DENND2B: variants seen among roughly 807,000 people sequenced by gnomAD.
DENND2B encodes the protein DENN domain-containing protein 2B.
In DENND2B, 32 loss-of-function variants were observed where a neutral mutation model predicts 116.0. That is an observed-to-expected ratio of 0.28 (90% CI 0.21 to 0.37). The LOEUF (loss-of-function observed/expected upper bound fraction) is 0.37, where lower values mean the gene tolerates loss of function less well. DENND2B is among the 10% of genes least tolerant of loss of function. The pLI is 1.00. For synonymous variants in DENND2B, 588 were observed against 583.9 expected, an observed-to-expected ratio of 1.01 and a Z score of -0.10; for missense variants, 1,276 against 1,477.7, an observed-to-expected ratio of 0.86 and a Z score of 2.24.
intron 4 of DENND2B, chr11:8,718,278 C>T (rs2045428498): frequency 4.0e-6 from 5 of 1,263,236 alleles, no homozygotes; most frequent in Middle Eastern, 1.8e-4. Flanking sequence ...CCAGAGATAA[C>T]ACAGTTCAAG....
chr11:8,897,401 C>T (rs1054841711), intron 1 of DENND2B, among the ~76,000 whole-genome samples: 7 of 152,142 alleles, frequency 4.6e-5, no homozygotes, highest in African/African-American at 1.7e-4. Context: ...ACTCCCTACC[C>T]CCAGCTCCAA....
chr11:8,728,723 C>A (rs886776406), intron 3 of DENND2B, among the ~76,000 whole-genome samples: 1 of 152,172 alleles, frequency 6.6e-6, no homozygotes, highest in Non-Finnish European at 1.5e-5. Flanking sequence ...TGGGTCTCTG[C>A]GGCCTCCTGC....
chr11:8,774,220 C>T (rs2057318637), intron 1 of DENND2B: 1 of 985,464 alleles, frequency 1.0e-6, no homozygotes, highest in Non-Finnish European at 1.2e-6. Flanking sequence ...ACCCTACCTC[C>T]ACCCTTCAGC....
intron 2 of DENND2B, among the ~76,000 whole-genome samples, chr11:8,749,901 G>GA: frequency 6.6e-6 from 1 of 152,332 alleles, no homozygotes; most frequent in Non-Finnish European, 1.5e-5. Flanking sequence ...AAGCCCTGGT[G>GA]AGAGTACTGT....
chr11:8,712,061 G>C lies in DENND2B; in HGVS notation c.2172+490C>G, dbSNP rs752441467. 4 of 451,104 alleles carry C rather than the reference G, an allele frequency of 8.9e-6. No individual in the cohort carries two copies. The highest frequency in any genetic ancestry group is 1.8e-5 in the Non-Finnish European group (4 of 224,180). 27.9% of individuals were successfully genotyped at this position (451,104 alleles called of 1,614,324 possible). On this transcript the variant is annotated intron_variant, in intron 9 of 19. Coordinates refer to ENST00000313726, the MANE Select transcript of DENND2B (RefSeq NM_213618.2). The surrounding 1 kb of genome is among the most constrained non-coding windows in gnomAD (Gnocchi z 4.4). ...CCTGGCAGAGGCAATGGCAGAGAGA[G>C]AGGGGTTGAGTGTGAGAGGAAGAAG...
intron 1 of DENND2B, among the ~76,000 whole-genome samples, chr11:8,805,930 C>T (rs1405976446): frequency 6.6e-6 from 1 of 152,176 alleles, no homozygotes; most frequent in East Asian, 1.9e-4. Flanking sequence ...GAGCCAAGAA[C>T]AAACAAACAG....
intron 1 of DENND2B, among the ~76,000 whole-genome samples, chr11:8,798,524 G>A (rs937376134): frequency 5.9e-5 from 9 of 152,218 alleles, no homozygotes; most frequent in Admixed American, 2.0e-4. Flanking sequence ...AGGTGTTGCA[G>A]TCTCCACCGC....
chr11:8,876,742 G>C (rs2063845200), intron 2 of DENND2B, among the ~76,000 whole-genome samples: 1 of 152,060 alleles, frequency 6.6e-6, no homozygotes, highest in Non-Finnish European at 1.5e-5. Context: ...GCCAAGCATG[G>C]TAGCGAGCAC....
chr11:8,888,142 G>A, intron 1 of DENND2B, among the ~76,000 whole-genome samples: 1 of 152,180 alleles, frequency 6.6e-6, no homozygotes, highest in East Asian at 1.9e-4. Context: ...TGACTTCCAG[G>A]AAAAGGCTTG....
At chr11:8,760,580 T>C (rs994990369) in intron 1 of DENND2B, among the ~76,000 whole-genome samples, 13 of 151,974 alleles carry the variant, frequency 8.6e-5, no homozygotes, top group African/African-American at 3.1e-4. Context: ...ATCATGACAC[T>C]GCACTCCAGC....
At chr11:8,757,308 T>C (rs1258313106) in intron 1 of DENND2B, among the ~76,000 whole-genome samples, 1 of 152,230 alleles carries the variant, frequency 6.6e-6, no homozygotes, top group Non-Finnish European at 1.5e-5. Context: ...CCTAGGTATT[T>C]GGAAGACAAC....
At chr11:8,833,565 G>A (rs936668679) in intron 4 of DENND2B, among the ~76,000 whole-genome samples, 1 of 152,082 alleles carries the variant, frequency 6.6e-6, no homozygotes. Flanking sequence ...GTTCTTCAAA[G>A]CTTTGTTCGG....
intron 3 of DENND2B, among the ~76,000 whole-genome samples, chr11:8,853,923 A>T (rs1314622305): frequency 6.7e-6 from 1 of 149,658 alleles, no homozygotes; most frequent in Non-Finnish European, 1.5e-5. Flanking sequence ...ATCACAGCTC[A>T]CTGCAGCCTT....
intron 2 of DENND2B, among the ~76,000 whole-genome samples, chr11:8,865,976 T>C (rs181102739): frequency 1.2e-4 from 18 of 152,208 alleles, no homozygotes; most frequent in Non-Finnish European, 1.8e-4. Context: ...TTCTTTTATT[T>C]TGAGACGGAG....
intron 1 of DENND2B, among the ~76,000 whole-genome samples, chr11:8,759,584 C>A (rs1593262566): frequency 6.6e-6 from 1 of 152,124 alleles, no homozygotes; most frequent in Admixed American, 6.5e-5. Flanking sequence ...CCTAAAGGGA[C>A]AGAGAAGGTG....
chr11:8,741,676 T>A (rs1260979621), intron 2 of DENND2B, among the ~76,000 whole-genome samples: 3 of 152,216 alleles, frequency 2.0e-5, no homozygotes, highest in Non-Finnish European at 4.4e-5. Flanking sequence ...GTGCTACTTT[T>A]CAGGCCCAGG....
intron 1 of DENND2B, among the ~76,000 whole-genome samples, chr11:8,765,836 G>A (rs568680871): frequency 8.7e-4 from 132 of 152,120 alleles, no homozygotes; most frequent in African/African-American, 3.0e-3. Context: ...TCAGGAGTTC[G>A]AGACCAGCCT....
chr11:8,718,238 C>A (rs2045415503), intron 4 of DENND2B: 1 of 997,446 alleles, frequency 1.0e-6, no homozygotes, highest in African/African-American at 1.6e-5. Flanking sequence ...AGAGTCTTTC[C>A]TTGGCTCCCT....
At chr11:8,767,206 C>CCTA (rs2055986773) in intron 1 of DENND2B, among the ~76,000 whole-genome samples, 2 of 152,152 alleles carry the variant, frequency 1.3e-5, no homozygotes, top group African/African-American at 4.8e-5. Flanking sequence ...GTCCTAAGGA[C>CCTA]AGTGACCAGG....
Sources: gnomAD v4.1 joint callset for allele counts (sites outside exome capture counted in the v4.1 genomes callset) on GRCh38, gnomAD v4.1.1 for gene constraint, Gnocchi (gnomAD v3.1) non-coding constraint, MANE v1.5 for transcripts, NCBI Gene and HGNC (gene_info 2026-07-23, HGNC 2026-07-21) for gene names.